The following SUGCT variants were observed in gnomAD, a reference collection of about 807,000 sequenced individuals.
SUGCT encodes the protein succinyl-CoA:glutarate-CoA transferase.
In SUGCT, 41 loss-of-function variants were observed where a neutral mutation model predicts 55.0. That is an observed-to-expected ratio of 0.74 (90% CI 0.58 to 0.97). SUGCT has a LOEUF of 0.97. Among genes scored for constraint, SUGCT ranks in the 50% least tolerant of loss-of-function variants. The pLI is 0.00. For missense variants in SUGCT, 568 were observed against 547.8 expected (o/e 1.04, Z -0.37); for synonymous variants, 187 against 200.4 (o/e 0.93, Z 0.56).
chr7:40,935,742 A>G, the SUGCT span, among the ~76,000 whole-genome samples: 9 of 152,282 alleles, frequency 5.9e-5, no homozygotes, highest in Admixed American at 2.0e-4. Context: ...ATTGTTTTCA[A>G]TTACCTTGGG....
At chr7:40,445,867 T>C (rs1489908061) in intron 9 of SUGCT, among the ~76,000 whole-genome samples, 2 of 152,150 alleles carry the variant, frequency 1.3e-5, no homozygotes, top group Non-Finnish European at 2.9e-5. Context: ...CTTTATAAAA[T>C]CTATTTGATA....
chr7:40,614,807 C>T (rs193148065), intron 12 of SUGCT, among the ~76,000 whole-genome samples: 5 of 152,248 alleles, frequency 3.3e-5, no homozygotes, highest in Middle Eastern at 3.4e-3. Context: ...CGCCTGTAAT[C>T]CCAGCGCTTT....
intron 12 of SUGCT, among the ~76,000 whole-genome samples, chr7:40,640,158 G>A (rs2151823186): frequency 6.6e-6 from 1 of 152,166 alleles, no homozygotes; most frequent in South Asian, 2.1e-4. Flanking sequence ...AACCCAGCAA[G>A]TCAGAAAAAT....
chr7:40,525,337 G>A (rs573651788), intron 12 of SUGCT, among the ~76,000 whole-genome samples: 44 of 152,230 alleles, frequency 2.9e-4, no homozygotes, highest in Admixed American at 1.3e-3. Flanking sequence ...GGAAAGAGCC[G>A]GAGATAAAGT....
In SUGCT at chr7:40,245,440, T is replaced by A. The variant is rs1415304223; in HGVS notation, c.576+7714T>A. On this transcript the variant is annotated intron_variant, in intron 7 of 13. Coordinates refer to ENST00000335693, the MANE Select transcript of SUGCT (RefSeq NM_001193313.2). ...ATATATATATTTTTTTTTTTTTTTTTTTTTTTTTTTTTTTTTTGAGATGGA... is the reference window on the plus strand; with the variant it reads ...ATATATATATTTTTTTTTTTTTTTTATTTTTTTTTTTTTTTTTGAGATGGA... 8.2e-4 allele frequency among the ~76,000 whole-genome samples: 71 copies of A among 86,534 alleles called. 1 individual carries two copies. In the East Asian group the frequency reaches 0.017, roughly 20 times the overall value. 56.8% of individuals were successfully genotyped at this position (86,534 alleles called of 152,430 possible).
At chr7:40,467,546 T>C (rs1029711278) in intron 11 of SUGCT, among the ~76,000 whole-genome samples, 51 of 152,202 alleles carry the variant, frequency 3.4e-4, no homozygotes, top group African/African-American at 1.2e-3. Flanking sequence ...ATTCATTCTT[T>C]CTATTTTTGA....
At chr7:40,239,336 G>A (rs1035363849) in intron 7 of SUGCT, among the ~76,000 whole-genome samples, 1 of 152,126 alleles carries the variant, frequency 6.6e-6, no homozygotes, top group Non-Finnish European at 1.5e-5. Flanking sequence ...GCCTCCTAAC[G>A]TGATGGGATT....
chr7:40,388,360 C>T (rs1583574903), intron 9 of SUGCT, among the ~76,000 whole-genome samples: 2 of 152,198 alleles, frequency 1.3e-5, no homozygotes, highest in South Asian at 2.1e-4. Context: ...TTTTGACTTC[C>T]TCACCTTAAC....
intron 12 of SUGCT, among the ~76,000 whole-genome samples, chr7:40,496,940 C>T (rs547160690): frequency 2.4e-4 from 36 of 152,244 alleles, no homozygotes; most frequent in African/African-American, 8.4e-4. Context: ...TTGTGCTCTA[C>T]GTTGCTTATC....
chr7:40,772,871 C>T (rs553048290), intron 13 of SUGCT, among the ~76,000 whole-genome samples: 4 of 152,140 alleles, frequency 2.6e-5, no homozygotes, highest in East Asian at 1.9e-4. Flanking sequence ...GCAATCTGCC[C>T]GCCACGGCCT....
At chr7:40,343,143 CTCT>C (rs1797141572) in intron 9 of SUGCT, among the ~76,000 whole-genome samples, 1 of 152,112 alleles carries the variant, frequency 6.6e-6, no homozygotes, top group Non-Finnish European at 1.5e-5. Context: ...TTATACACAC[CTCT>C]CTATCAGCCT....
At chr7:40,904,249 C>T in the SUGCT span, among the ~76,000 whole-genome samples, 7 of 152,084 alleles carry the variant, frequency 4.6e-5, no homozygotes, top group Admixed American at 2.0e-4. Flanking sequence ...GGGCCCAGGA[C>T]GCCAGGGAGG....
chr7:40,198,218 T>C (rs1342282378), intron 6 of SUGCT, among the ~76,000 whole-genome samples: 2 of 152,218 alleles, frequency 1.3e-5, no homozygotes, highest in African/African-American at 4.8e-5. Flanking sequence ...CTTTATTTCC[T>C]GATAATGAAA....
At chr7:40,501,558 A>G (rs1792281269) in intron 12 of SUGCT, among the ~76,000 whole-genome samples, 2 of 152,220 alleles carry the variant, frequency 1.3e-5, no homozygotes, top group South Asian at 2.1e-4. Flanking sequence ...TATGGACACA[A>G]TGTCTTTAAG....
At chr7:40,995,380 C>CCGTTATTATTATTATTATTATTAT in the SUGCT span, among the ~76,000 whole-genome samples, 11 of 44,144 alleles carry the variant, frequency 2.5e-4, no homozygotes, top group African/African-American at 1.5e-3. Flanking sequence ...CCTATAATAG[C>CCGTTATTATTATTATTATTATTAT]TGTTATTATT....
intron 6 of SUGCT, among the ~76,000 whole-genome samples, chr7:40,236,442 C>CAAAAAAAAAAAAAAAAAAAAAA (rs60720770): frequency 1.1e-5 from 1 of 90,022 alleles, no homozygotes; most frequent in South Asian, 3.8e-4. Flanking sequence ...TTTCTGATGG[C>CAAAAAAAAAAAAAAAAAAAAAA]AAAAAAAAAA....
At position 40,284,185 on chromosome 7, in the gene SUGCT, A is replaced by C. The variant is rs527906810; in HGVS notation, c.720+9529A>C. Among the ~76,000 whole-genome samples the C allele has an allele frequency of 4.6e-5, 7 of 152,242 alleles. No individual in the cohort carries two copies. In the East Asian group the frequency reaches 1.4e-3, roughly 29 times the overall value. On this transcript the variant is annotated intron_variant, in intron 8 of 13. Transcript: ENST00000335693. Reference sequence around the variant, plus strand: ...GGGAAGATGATGGTCAAAGGGGCAAAGTTTCAGTTAGATGGGATGAATAAG... The same window carrying C: ...GGGAAGATGATGGTCAAAGGGGCAACGTTTCAGTTAGATGGGATGAATAAG...
In SUGCT at chr7:40,377,237, TCCTTCCTTCCTTC is replaced by T. The variant is rs1562729186; in HGVS notation, c.816+60383_816+60395del. On this transcript the variant is annotated intron_variant, in intron 9 of 13. Coordinates refer to ENST00000335693, the MANE Select transcript of SUGCT (RefSeq NM_001193313.2). ...TCTTTCTTTTCTTTCTTTCTTCCCT[TCCTTCCTTCCTTC>T]TTTCTTTTTTGAGACCTAGTCTCAC... Among the ~76,000 whole-genome samples, 325 of 12,332 alleles carry T rather than the reference TCCTTCCTTCCTTC, an allele frequency of 0.026. 121 individuals carry two copies. The East Asian group carries it at 0.52, about 20-fold the overall frequency. 8.1% of individuals were successfully genotyped at this position (12,332 alleles called of 152,430 possible).
At chr7:40,503,746 G>T (rs1052381562) in intron 12 of SUGCT, among the ~76,000 whole-genome samples, 1 of 152,084 alleles carries the variant, frequency 6.6e-6, no homozygotes, top group Non-Finnish European at 1.5e-5. Context: ...GAAAAGGAAA[G>T]GTTTTCTAAG....
Sources: allele counts gnomAD v4.1 joint callset (sites outside exome capture counted in the v4.1 genomes callset), GRCh38; gene constraint gnomAD v4.1.1; transcripts MANE v1.5; gene names NCBI Gene and HGNC (gene_info 2026-07-23, HGNC 2026-07-21).